XRCC4: variants seen among roughly 807,000 people sequenced by gnomAD.
The protein encoded by XRCC4 is X-ray repair cross complementing 4.
A neutral mutation model predicts 39.1 loss-of-function variants in XRCC4; 28 were observed. That is an observed-to-expected ratio of 0.72 (90% confidence interval 0.53 to 0.98). The LOEUF is 0.98. Among genes scored for constraint, XRCC4 ranks in the 50% least tolerant of loss-of-function variants. The pLI, the probability that XRCC4 is intolerant of heterozygous loss-of-function variation, is 0.00. For missense variants in XRCC4, 350 were observed against 376.4 expected (o/e 0.93, Z 0.58); for synonymous variants, 123 against 126.4 (o/e 0.97, Z 0.18).
Position 83,121,044 on chromosome 5 carries a change from C to T in XRCC4, c.315+9841C>T, listed in dbSNP as rs187872292. 2.0e-5 allele frequency among the ~76,000 whole-genome samples: 3 copies of T among 152,278 alleles called. No individual in the cohort carries two copies. The East Asian group carries it at 5.8e-4, about 29-fold the overall frequency. On this transcript the variant is annotated intron_variant, in intron 3 of 7. Coordinates refer to ENST00000396027, the MANE Select transcript of XRCC4 (RefSeq NM_003401.5). Reference sequence around the variant, plus strand: ...CATACATTTAACCATACAGTATGTACTTCTTTTTTCGGTCTGGTTTCTTTT... The same window carrying T: ...CATACATTTAACCATACAGTATGTATTTCTTTTTTCGGTCTGGTTTCTTTT...
At chr5:83,347,227 C>T (rs566193950) in intron 7 of XRCC4, among the ~76,000 whole-genome samples, 7 of 152,088 alleles carry the variant, frequency 4.6e-5, no homozygotes, top group Non-Finnish European at 8.8e-5. Context: ...AGAATGATCA[C>T]ATTTTTGTAA....
intron 6 of XRCC4, among the ~76,000 whole-genome samples, chr5:83,206,864 G>A (rs1751442632): frequency 6.6e-6 from 1 of 152,016 alleles, no homozygotes; most frequent in African/African-American, 2.4e-5. Context: ...CATAATGACA[G>A]GAGAAAAGGT....
chr5:83,089,649 A>G (rs1235630321), intron 1 of XRCC4, among the ~76,000 whole-genome samples: 1 of 152,152 alleles, frequency 6.6e-6, no homozygotes, highest in East Asian at 1.9e-4. Flanking sequence ...TTATAAATCA[A>G]GGTTTCCCTT....
intron 7 of XRCC4, among the ~76,000 whole-genome samples, chr5:83,321,820 T>A (rs1046858216): frequency 2.0e-4 from 31 of 152,004 alleles, no homozygotes; most frequent in Admixed American, 1.8e-3. Context: ...ATGCAAAAAA[T>A]TTAATGTGTT....
intron 3 of XRCC4, among the ~76,000 whole-genome samples, chr5:83,135,137 G>T (rs1410114795): frequency 6.6e-6 from 1 of 152,282 alleles, no homozygotes; most frequent in East Asian, 1.9e-4. Flanking sequence ...GCATCCCTTG[G>T]CTAGGAAAGG....
chr5:83,240,913 C>T (rs1290061030), intron 6 of XRCC4, among the ~76,000 whole-genome samples: 1 of 152,150 alleles, frequency 6.6e-6, no homozygotes, highest in African/African-American at 2.4e-5. Context: ...TGTCCCACTG[C>T]ACTTTGTAAA....
At chr5:83,348,471 C>T (rs1409582343) in intron 7 of XRCC4, among the ~76,000 whole-genome samples, 2 of 152,238 alleles carry the variant, frequency 1.3e-5, no homozygotes, top group African/African-American at 2.4e-5. Flanking sequence ...GAAGCAATGG[C>T]CCAAGCTGCA....
chr5:83,270,784 T>C, intron 7 of XRCC4, among the ~76,000 whole-genome samples: 1 of 65,284 alleles, frequency 1.5e-5, no homozygotes, highest in Non-Finnish European at 2.5e-5. Flanking sequence ...TACATATATA[T>C]ATGTATATAT....
At chr5:83,212,892 A>C (rs1433994756) in intron 6 of XRCC4, among the ~76,000 whole-genome samples, 8 of 149,882 alleles carry the variant, frequency 5.3e-5, no homozygotes, top group Non-Finnish European at 1.0e-4. Context: ...ATGCCACTGC[A>C]CTCCAGCCTG....
At chr5:83,239,923 T>A (rs1752839513) in intron 6 of XRCC4, among the ~76,000 whole-genome samples, 2 of 151,640 alleles carry the variant, frequency 1.3e-5, no homozygotes, top group African/African-American at 2.4e-5. Context: ...TTTGGGAGGC[T>A]GAGGAAGGAG....
chr5:83,104,654 C>T (rs1038044444), intron 1 of XRCC4, among the ~76,000 whole-genome samples: 10 of 152,080 alleles, frequency 6.6e-5, no homozygotes, highest in African/African-American at 2.4e-4. Flanking sequence ...TTGGACAAAT[C>T]ATTTTCCATT....
At chr5:83,298,902 T>A (rs963780787) in intron 7 of XRCC4, among the ~76,000 whole-genome samples, 1 of 152,052 alleles carries the variant, frequency 6.6e-6, no homozygotes, top group African/African-American at 2.4e-5. Context: ...ACTTTTATGT[T>A]ATTTTTATGT....
chr5:83,129,175 G>T (rs1163236764), intron 3 of XRCC4, among the ~76,000 whole-genome samples: 2 of 144,724 alleles, frequency 1.4e-5, no homozygotes, highest in Non-Finnish European at 3.0e-5. Context: ...AAGGGACCCA[G>T]TTTCAGCTTT....
chr5:83,186,966 C>T (rs1750474261), intron 3 of XRCC4, among the ~76,000 whole-genome samples: 2 of 85,158 alleles, frequency 2.3e-5, no homozygotes, highest in Admixed American at 1.1e-4. Flanking sequence ...TTTTTTGAGA[C>T]GGAGTCTCGC....
At chr5:83,212,711 C>T (rs568760732) in intron 6 of XRCC4, among the ~76,000 whole-genome samples, 3 of 151,532 alleles carry the variant, frequency 2.0e-5, no homozygotes, top group East Asian at 3.9e-4. Flanking sequence ...GCAGAACACC[C>T]GAGGTCAGGA....
intron 7 of XRCC4, among the ~76,000 whole-genome samples, chr5:83,264,079 T>TGA: frequency 6.6e-6 from 1 of 152,302 alleles, no homozygotes; most frequent in East Asian, 1.9e-4. Context: ...GCAGTGCCAC[T>TGA]GATAGAGTTT....
At chr5:83,295,390 G>A (rs977434850) in intron 7 of XRCC4, among the ~76,000 whole-genome samples, 3 of 152,038 alleles carry the variant, frequency 2.0e-5, no homozygotes, top group African/African-American at 4.8e-5. Context: ...AGGCACCCAC[G>A]TCGTCATCAT....
At chr5:83,209,308 T>C (rs1257838244) in intron 6 of XRCC4, among the ~76,000 whole-genome samples, 1 of 152,100 alleles carries the variant, frequency 6.6e-6, no homozygotes, top group Non-Finnish European at 1.5e-5. Flanking sequence ...CCATTATGTA[T>C]AGCATTAGAG....
intron 1 of XRCC4, among the ~76,000 whole-genome samples, chr5:83,092,871 A>AAAT (rs1300202885): frequency 2.0e-5 from 3 of 152,096 alleles, no homozygotes; most frequent in Non-Finnish European, 4.4e-5. Flanking sequence ...GAAGGAAACA[A>AAAT]AATATCTTCA....
Sources: allele counts gnomAD v4.1 joint callset (sites outside exome capture counted in the v4.1 genomes callset), GRCh38; gene constraint gnomAD v4.1.1; transcripts MANE v1.5; gene names NCBI Gene and HGNC (gene_info 2026-07-23, HGNC 2026-07-21).